The following LAMA2 variants were observed in gnomAD, a reference collection of about 807,000 sequenced individuals.
The protein encoded by LAMA2 is laminin subunit alpha 2.
A neutral mutation model predicts 364.8 loss-of-function variants in LAMA2; 269 were observed. The ratio of observed to expected loss-of-function variants is 0.74; its 90% CI spans 0.67 to 0.82. The LOEUF is 0.82. LAMA2 is among the 40% of genes least tolerant of loss of function. LAMA2 has a pLI of 0.00. For missense variants in LAMA2, 3,807 were observed against 3,873.2 expected (o/e 0.98, Z 0.45); for synonymous variants, 1,379 against 1,370.6 (o/e 1.01, Z -0.14).
intron 15 of LAMA2, among the ~76,000 whole-genome samples, chr6:129,262,865 G>T (rs934563403): frequency 2.6e-5 from 4 of 151,990 alleles, no homozygotes; most frequent in African/African-American, 9.7e-5. Flanking sequence ...AGAACCTCTG[G>T]CCAAAAAAGG....
At chr6:129,478,875 G>C in intron 54 of LAMA2, 62 bp downstream of exon 54, 1 of 1,416,792 alleles carries the variant, frequency 7.1e-7, no homozygotes, top group Non-Finnish European at 1.0e-6. Flanking sequence ...ACTTAGTGTG[G>C]CTGCTCCTAC....
chr6:129,119,545 A>T (rs1776679915), intron 4 of LAMA2, among the ~76,000 whole-genome samples: 1 of 151,426 alleles, frequency 6.6e-6, no homozygotes, highest in Non-Finnish European at 1.5e-5. Context: ...TAATTAATTA[A>T]TTAATTATTT....
At chr6:128,932,022 T>C (rs1208282628) in intron 1 of LAMA2, among the ~76,000 whole-genome samples, 4 of 152,028 alleles carry the variant, frequency 2.6e-5, no homozygotes, top group Non-Finnish European at 5.9e-5. Context: ...TTTGACATTA[T>C]CCTAGCCTTG....
At chr6:129,427,523 TC>T (rs1293971449) in intron 40 of LAMA2, among the ~76,000 whole-genome samples, 25 of 152,216 alleles carry the variant, frequency 1.6e-4, no homozygotes, top group Admixed American at 1.6e-3. Flanking sequence ...CTCTGCCTAC[TC>T]CCTAAACATT....
intron 49 of LAMA2, 136 bp downstream of exon 49, chr6:129,460,460 A>G (rs1242184074): frequency 6.5e-6 from 6 of 919,924 alleles, no homozygotes; most frequent in Admixed American, 1.9e-5. Flanking sequence ...TGGAATTACC[A>G]CAAAACTAAT....
chr6:129,158,345 C>T (rs979771574), intron 8 of LAMA2: 30 of 1,613,844 alleles, frequency 1.9e-5, no homozygotes, highest in East Asian at 6.7e-5. Flanking sequence ...ATACTTTCAC[C>T]GCCACTCTTT....
At chr6:129,206,267 G>A (rs1480173140) in intron 12 of LAMA2, among the ~76,000 whole-genome samples, 1 of 152,056 alleles carries the variant, frequency 6.6e-6, no homozygotes, top group Non-Finnish European at 1.5e-5. Context: ...GTAATTATAA[G>A]GTGACTTAGC....
Position 129,315,813 on chromosome 6 carries a change from G to A in LAMA2, c.3787G>A (p.Glu1263Lys). ...GTATGCAATCTATTTCGAGGCTCGG[G>A]AAGAAACAGGTTTCTCTACATATAA... is the stretch of plus-strand genomic sequence containing the variant. ...LKYAIYFEAR[E>K]ETGFSTYNPQ... Residue 1263 changes from glutamate (E) to lysine (K), a missense_variant, in exon 26 of 65, where the codon GAA becomes AAA. Physicochemically the swap from Glu to Lys is moderately conservative, Grantham distance 56 (BLOSUM62 1). This residue lies in a region of LAMA2 where 3,333 missense variants were observed against 3,345.7 expected (regional missense o/e 1.00). Transcript: ENST00000421865. 1.9e-6 allele frequency: 3 copies of A among 1,614,082 alleles called. No individual in the cohort carries two copies. The highest frequency in any genetic ancestry group is 2.5e-6 in the Non-Finnish European group (3 of 1,180,012).
At chr6:129,256,340 T>A (rs1215652425) in intron 14 of LAMA2, among the ~76,000 whole-genome samples, 1 of 152,128 alleles carries the variant, frequency 6.6e-6, no homozygotes, top group Admixed American at 6.6e-5. Context: ...TTAAATGAAA[T>A]GTCTTTCCAG....
At chr6:129,200,120 A>ACG in intron 12 of LAMA2, among the ~76,000 whole-genome samples, 1 of 115,890 alleles carries the variant, frequency 8.6e-6, no homozygotes, top group East Asian at 2.3e-4. Flanking sequence ...ACGTATATAT[A>ACG]TGTGTATATA....
intron 36 of LAMA2, among the ~76,000 whole-genome samples, chr6:129,392,167 G>A (rs536293958): frequency 3.9e-4 from 59 of 152,262 alleles, no homozygotes; most frequent in Admixed American, 3.5e-3. Flanking sequence ...TAAGAGTTGC[G>A]AATATGAGGG....
intron 3 of LAMA2, among the ~76,000 whole-genome samples, chr6:129,062,151 A>G (rs1362254105): frequency 6.6e-6 from 1 of 152,224 alleles, no homozygotes; most frequent in Non-Finnish European, 1.5e-5. Flanking sequence ...ATACTTATTC[A>G]GCTATGGATG....
intron 1 of LAMA2, among the ~76,000 whole-genome samples, chr6:128,951,962 C>T (rs893084060): frequency 4.6e-5 from 7 of 151,968 alleles, no homozygotes; most frequent in South Asian, 2.1e-4. Context: ...GCCAGGAGTT[C>T]GAGGCTAACC....
At chr6:128,920,681 T>C (rs1582679959) in intron 1 of LAMA2, among the ~76,000 whole-genome samples, 1 of 151,240 alleles carries the variant, frequency 6.6e-6, no homozygotes, top group East Asian at 1.9e-4. Flanking sequence ...TATATATATA[T>C]ATTATATATA....
At chr6:129,223,313 G>GTT (rs545474657) in intron 12 of LAMA2, among the ~76,000 whole-genome samples, 4,434 of 152,242 alleles carry the variant, frequency 0.029, 102 homozygotes, top group Non-Finnish European at 0.045. Context: ...TCTGATGGTA[G>GTT]TTTCTTTTGC....
At chr6:129,017,073 A>G (rs1167470029) in intron 1 of LAMA2, among the ~76,000 whole-genome samples, 2 of 151,972 alleles carry the variant, frequency 1.3e-5, no homozygotes, top group Non-Finnish European at 2.9e-5. Context: ...AGACTTCTGC[A>G]TCGCAAACCA....
At chr6:128,933,603 A>G (rs1044482065) in intron 1 of LAMA2, among the ~76,000 whole-genome samples, 1 of 152,112 alleles carries the variant, frequency 6.6e-6, no homozygotes, top group African/African-American at 2.4e-5. Context: ...TGTCTTTTAT[A>G]TAATAGCCAT....
chr6:129,204,477 G>GAA (rs11423987), intron 12 of LAMA2, among the ~76,000 whole-genome samples: 2,872 of 131,542 alleles, frequency 0.022, 87 homozygotes, highest in East Asian at 0.16. Context: ...GTATCCTTAT[G>GAA]AAAAAAAAAA....
At chr6:129,004,174 A>G (rs1430427002) in intron 1 of LAMA2, among the ~76,000 whole-genome samples, 1 of 33,342 alleles carries the variant, frequency 3.0e-5, no homozygotes, top group East Asian at 4.4e-4. Context: ...AACACCGCAT[A>G]TTCTCACTCA....
Sources: allele counts gnomAD v4.1 joint callset (sites outside exome capture counted in the v4.1 genomes callset), GRCh38; gene constraint gnomAD v4.1.1; regional missense constraint gnomAD v4.1.1; transcripts MANE v1.5; gene names NCBI Gene and HGNC (gene_info 2026-07-23, HGNC 2026-07-21).